The following FMNL2 variants were observed in gnomAD, a reference collection of about 807,000 sequenced individuals.
FMNL2 encodes the protein formin-like protein 2.
In FMNL2, 51 loss-of-function variants were observed where a neutral mutation model predicts 130.2. The ratio of observed to expected loss-of-function variants is 0.39; its 90% CI spans 0.31 to 0.49. FMNL2 has a LOEUF of 0.49. Among genes scored for constraint, FMNL2 ranks in the 20% least tolerant of loss-of-function variants. The pLI, the probability that FMNL2 is intolerant of heterozygous loss-of-function variation, is 0.85. For synonymous variants in FMNL2, 465 were observed against 467.1 expected, an observed-to-expected ratio of 1.00 and a Z score of 0.06; for missense variants, 977 against 1,316.2, an observed-to-expected ratio of 0.74 and a Z score of 3.99.
chr2:152,631,701 C>A (rs1682182100), intron 20 of FMNL2, among the ~76,000 whole-genome samples: 1 of 152,114 alleles, frequency 6.6e-6, no homozygotes, highest in African/African-American at 2.4e-5. Flanking sequence ...TTCCTGAAAC[C>A]ATGGGAAGTA....
intron 1 of FMNL2, among the ~76,000 whole-genome samples, chr2:152,364,045 G>C (rs1281105759): frequency 6.6e-6 from 1 of 152,098 alleles, no homozygotes; most frequent in African/African-American, 2.4e-5. Context: ...GTGTATTCTT[G>C]AGTTGCTCAT....
At chr2:152,439,951 G>T (rs1334426229) in intron 1 of FMNL2, among the ~76,000 whole-genome samples, 4 of 151,348 alleles carry the variant, frequency 2.6e-5, no homozygotes, top group African/African-American at 9.7e-5. Flanking sequence ...GAAAAGTCAG[G>T]ACCTTAACCA....
intron 1 of FMNL2, among the ~76,000 whole-genome samples, chr2:152,342,149 G>A (rs759894177): frequency 6.6e-6 from 1 of 152,198 alleles, no homozygotes; most frequent in Non-Finnish European, 1.5e-5. Context: ...TTGCTTAAAG[G>A]GTTTGGTCTT....
chr2:152,478,986 G>C (rs915925420), intron 1 of FMNL2, among the ~76,000 whole-genome samples: 1 of 152,112 alleles, frequency 6.6e-6, no homozygotes, highest in African/African-American at 2.4e-5. Flanking sequence ...AGTTCTGAAT[G>C]TATAAACTTC....
chr2:152,646,615 C>A (rs1000210628), intron 25 of FMNL2, among the ~76,000 whole-genome samples: 2 of 152,036 alleles, frequency 1.3e-5, no homozygotes, highest in African/African-American at 2.4e-5. Flanking sequence ...AGCAAACATT[C>A]TGTGGGTCAA....
chr2:152,604,435 G>A (rs1269477440), intron 9 of FMNL2, among the ~76,000 whole-genome samples: 2 of 150,868 alleles, frequency 1.3e-5, no homozygotes, highest in African/African-American at 2.4e-5. Flanking sequence ...CACTGTTCAC[G>A]AACAGCTGTT....
At chr2:152,644,675 C>T (rs1024280155) in intron 25 of FMNL2, among the ~76,000 whole-genome samples, 1 of 152,228 alleles carries the variant, frequency 6.6e-6, no homozygotes, top group Non-Finnish European at 1.5e-5. Flanking sequence ...TGTCTTATCT[C>T]ATTCACGCAT....
At position 152,354,064 on chromosome 2, in the gene FMNL2, C is replaced by G. The variant is rs113268733; in HGVS notation, c.117+18344C>G. ...TATGTTGACTCTTGTATATTTTGTTCTTTCTAGAAAAAGAGACCCAGGTGT... is the reference window on the plus strand; with the variant it reads ...TATGTTGACTCTTGTATATTTTGTTGTTTCTAGAAAAAGAGACCCAGGTGT... On this transcript the variant is annotated intron_variant, in intron 1 of 25. Transcript: ENST00000288670. Among the ~76,000 whole-genome samples, 646 of 152,214 alleles carry G rather than the reference C, an allele frequency of 4.2e-3. 4 individuals are homozygous for G. The highest frequency in any genetic ancestry group is 0.015 in the African/African-American group (613 of 41,534).
chr2:152,350,318 T>G (rs4664569), intron 1 of FMNL2, among the ~76,000 whole-genome samples: 116,703 of 152,004 alleles, frequency 0.77, 45,882 homozygotes, highest in Admixed American at 0.86. Flanking sequence ...GCTTCAGACC[T>G]TGCCCATGGG....
At chr2:152,463,631 A>C (rs16831151) in intron 1 of FMNL2, among the ~76,000 whole-genome samples, 2,586 of 152,292 alleles carry the variant, frequency 0.017, 74 homozygotes, top group African/African-American at 0.056. Flanking sequence ...TCAGTCTTAG[A>C]TAAAATAAAA....
At chr2:152,601,217 C>T (rs1467185594) in intron 9 of FMNL2, among the ~76,000 whole-genome samples, 1 of 152,130 alleles carries the variant, frequency 6.6e-6, no homozygotes, top group Non-Finnish European at 1.5e-5. Context: ...TTCCCCCTTA[C>T]TCCCAAAGCT....
At chr2:152,464,458 C>G (rs1689417749) in intron 1 of FMNL2, among the ~76,000 whole-genome samples, 1 of 152,204 alleles carries the variant, frequency 6.6e-6, no homozygotes. Flanking sequence ...TCTCTAGCTC[C>G]TCAGGAATGT....
intron 1 of FMNL2, among the ~76,000 whole-genome samples, chr2:152,385,710 T>C (rs917021452): frequency 6.6e-6 from 1 of 152,242 alleles, no homozygotes; most frequent in Admixed American, 6.5e-5. Flanking sequence ...TCTGTCAGTG[T>C]GTACTGCTTT....
chr2:152,373,347 G>A (rs1560308666), intron 1 of FMNL2, among the ~76,000 whole-genome samples: 1 of 152,098 alleles, frequency 6.6e-6, no homozygotes, highest in African/African-American at 2.4e-5. Flanking sequence ...TGAACAGTTG[G>A]GGGGAGTTTT....
At chr2:152,592,591 A>G (rs1316951219) in intron 9 of FMNL2, among the ~76,000 whole-genome samples, 3 of 152,222 alleles carry the variant, frequency 2.0e-5, no homozygotes, top group Non-Finnish European at 4.4e-5. Flanking sequence ...CAGAAATAGT[A>G]AGGCTACTAT....
intron 9 of FMNL2, among the ~76,000 whole-genome samples, chr2:152,603,749 C>T (rs1444676086): frequency 1.3e-5 from 2 of 151,026 alleles, no homozygotes; most frequent in African/African-American, 2.4e-5. Context: ...CCTTATTATT[C>T]ATTGCACTTA....
At chr2:152,464,313 GGTTT>G (rs1171716972) in intron 1 of FMNL2, among the ~76,000 whole-genome samples, 2 of 152,058 alleles carry the variant, frequency 1.3e-5, no homozygotes, top group Non-Finnish European at 2.9e-5. Flanking sequence ...TAGAATGGTG[GGTTT>G]GTTTGTTATT....
At chr2:152,480,656 A>G (rs1690463051) in intron 1 of FMNL2, among the ~76,000 whole-genome samples, 1 of 150,070 alleles carries the variant, frequency 6.7e-6, no homozygotes, top group South Asian at 2.1e-4. Flanking sequence ...AAAAAAAAAA[A>G]AAAAAGTGAA....
chr2:152,585,560 G>C (rs924732645), intron 9 of FMNL2, among the ~76,000 whole-genome samples: 75 of 152,204 alleles, frequency 4.9e-4, no homozygotes, highest in African/African-American at 1.8e-3. Context: ...GGAGAACCAG[G>C]CTTGGAAAAT....
Sources: gnomAD v4.1 joint callset for allele counts (sites outside exome capture counted in the v4.1 genomes callset) on GRCh38, gnomAD v4.1.1 for gene constraint, MANE v1.5 for transcripts, NCBI Gene and HGNC (gene_info 2026-07-23, HGNC 2026-07-21) for gene names.